Variants in CNTN4 observed in about 807,000 individuals in gnomAD.
CNTN4 encodes contactin 4.
Under a neutral mutation model 122.5 loss-of-function variants are expected in CNTN4, and 77 were observed. That is an observed-to-expected ratio of 0.63 (90% confidence interval 0.52 to 0.76). CNTN4 has a LOEUF of 0.76. Ranked by LOEUF, CNTN4 falls within the 30% of genes least tolerant of loss-of-function variation. The probability of loss-of-function intolerance (pLI) is 0.00; values close to 1 mark genes in which losing one functional copy is unlikely to be tolerated. For missense variants in CNTN4, 1,256 were observed against 1,259.1 expected, an observed-to-expected ratio of 1.00 and a Z score of 0.04; for synonymous variants, 512 against 447.0, an observed-to-expected ratio of 1.15 and a Z score of -1.83.
intron 2 of CNTN4, among the ~76,000 whole-genome samples, chr3:2,106,682 C>T (rs570284014): frequency 1.3e-5 from 2 of 152,326 alleles, no homozygotes; most frequent in African/African-American, 4.8e-5. Context: ...GGGGCTGCCG[C>T]CAAGATCTCT....
intron 13 of CNTN4, among the ~76,000 whole-genome samples, chr3:2,977,861 A>G (rs538290078): frequency 2.0e-5 from 3 of 152,226 alleles, no homozygotes; most frequent in Non-Finnish European, 4.4e-5. Context: ...CCCTAATCCA[A>G]TGACTGATGT....
At chr3:2,262,393 G>A (rs147836453) in intron 2 of CNTN4, 58 of 152,042 alleles carry the variant, frequency 3.8e-4, no homozygotes, top group African/African-American at 1.3e-3. Context: ...GGACTGTTTC[G>A]CAACTTTACT....
At chr3:2,188,372 C>T (rs1221994076) in intron 2 of CNTN4, among the ~76,000 whole-genome samples, 2 of 152,104 alleles carry the variant, frequency 1.3e-5, no homozygotes, top group Admixed American at 6.6e-5. Context: ...AAGTTGCTTC[C>T]TCATCTCCTT....
intron 3 of CNTN4, among the ~76,000 whole-genome samples, chr3:2,354,752 G>A (rs1462117960): frequency 6.6e-6 from 1 of 152,136 alleles, no homozygotes; most frequent in African/African-American, 2.4e-5. Flanking sequence ...TAAGTAAGCT[G>A]TTGATTGCTT....
intron 8 of CNTN4, among the ~76,000 whole-genome samples, chr3:2,875,803 C>T (rs1038171312): frequency 1.3e-5 from 2 of 152,158 alleles, no homozygotes; most frequent in Non-Finnish European, 2.9e-5. Flanking sequence ...AACATGGATA[C>T]ATGGATAACT....
chr3:2,776,577 A>G lies in CNTN4; in HGVS notation c.358+30880A>G, dbSNP rs143116030. The stretch of plus-strand genomic sequence containing the variant: ...ACTATCCATTTTCTTTTACACGTGA[A>G]TTTGTGTGACATGCCCTCTACTCTT... On this transcript the variant is annotated intron_variant, in intron 6 of 24. Transcript: ENST00000418658. 1.1e-4 allele frequency among the ~76,000 whole-genome samples: 17 copies of G among 152,262 alleles called. No homozygotes were observed. The East Asian group carries it at 3.3e-3, about 29-fold the overall frequency.
At chr3:2,237,246 T>C (rs977628210) in intron 2 of CNTN4, among the ~76,000 whole-genome samples, 1 of 152,032 alleles carries the variant, frequency 6.6e-6, no homozygotes, top group Non-Finnish European at 1.5e-5. Flanking sequence ...TGGTCTTGAC[T>C]TAGTGGTGGA....
At chr3:3,055,516 C>T (rs1393435351) in intron 24 of CNTN4, among the ~76,000 whole-genome samples, 1 of 152,134 alleles carries the variant, frequency 6.6e-6, no homozygotes, top group Non-Finnish European at 1.5e-5. Flanking sequence ...CAGTTGATAG[C>T]TTCTTACTAT....
At chr3:2,387,608 A>C (rs2046298885) in intron 3 of CNTN4, among the ~76,000 whole-genome samples, 1 of 152,144 alleles carries the variant, frequency 6.6e-6, no homozygotes, top group South Asian at 2.1e-4. Context: ...AAATATAAAA[A>C]TTATAAGGAA....
At chr3:2,227,352 G>T (rs760911820) in intron 2 of CNTN4, among the ~76,000 whole-genome samples, 2 of 152,166 alleles carry the variant, frequency 1.3e-5, no homozygotes, top group African/African-American at 2.4e-5. Flanking sequence ...AAGAGAGCAA[G>T]TAATATGAAC....
At chr3:2,379,721 T>G (rs1167550530) in intron 3 of CNTN4, among the ~76,000 whole-genome samples, 2 of 152,156 alleles carry the variant, frequency 1.3e-5, no homozygotes, top group Non-Finnish European at 2.9e-5. Flanking sequence ...CCTCTCAAAG[T>G]GACAGTTTCC....
chr3:2,842,452 A>G (rs959949295), intron 7 of CNTN4, among the ~76,000 whole-genome samples: 1 of 152,042 alleles, frequency 6.6e-6, no homozygotes, highest in Non-Finnish European at 1.5e-5. Context: ...CATTAGATAC[A>G]TTTTCTTTCC....
intron 4 of CNTN4, among the ~76,000 whole-genome samples, chr3:2,673,235 G>A (rs1467741080): frequency 6.6e-6 from 1 of 152,150 alleles, no homozygotes; most frequent in Non-Finnish European, 1.5e-5. Flanking sequence ...CCCAGAAGCA[G>A]TAAAATAGGT....
intron 3 of CNTN4, among the ~76,000 whole-genome samples, chr3:2,365,098 AT>A (rs566205360): frequency 2.4e-4 from 36 of 150,166 alleles, no homozygotes; most frequent in Middle Eastern, 3.5e-3. Flanking sequence ...CTTTGGTTTA[AT>A]TTTTTTTTTA....
chr3:2,756,343 G>A (rs2090339115), intron 6 of CNTN4, among the ~76,000 whole-genome samples: 1 of 152,172 alleles, frequency 6.6e-6, no homozygotes, highest in South Asian at 2.1e-4. Context: ...CCTTATAAAA[G>A]TGATTCCTAA....
At chr3:2,457,800 G>C (rs934606486) in intron 3 of CNTN4, among the ~76,000 whole-genome samples, 34 of 152,114 alleles carry the variant, frequency 2.2e-4, no homozygotes, top group African/African-American at 7.5e-4. Flanking sequence ...TTAGCCCAAT[G>C]CCCTTCTCAA....
At chr3:2,707,901 C>T (rs2086839698) in intron 4 of CNTN4, among the ~76,000 whole-genome samples, 1 of 152,078 alleles carries the variant, frequency 6.6e-6, no homozygotes, top group Non-Finnish European at 1.5e-5. Context: ...AAATATTTAG[C>T]TATAATTTAA....
chr3:2,220,520 C>G (rs1230994391), intron 2 of CNTN4, among the ~76,000 whole-genome samples: 1 of 152,076 alleles, frequency 6.6e-6, no homozygotes, highest in Non-Finnish European at 1.5e-5. Context: ...GTAAGAAAGG[C>G]AATGAATGAC....
chr3:3,034,603 C>G, intron 16 of CNTN4, 29 bp from the exon 17 acceptor site: 1 of 1,613,500 alleles, frequency 6.2e-7, no homozygotes, highest in Non-Finnish European at 8.5e-7. Context: ...ATACACTGCT[C>G]CAATTCTGGG....
Sources: gnomAD v4.1 joint callset for allele counts (sites outside exome capture counted in the v4.1 genomes callset) on GRCh38, gnomAD v4.1.1 for gene constraint, MANE v1.5 for transcripts, NCBI Gene and HGNC (gene_info 2026-07-23, HGNC 2026-07-21) for gene names.